CSMD1: variants seen among roughly 807,000 people sequenced by gnomAD.
CSMD1 encodes CUB and sushi domain-containing protein 1.
A neutral mutation model predicts 417.5 loss-of-function variants in CSMD1; 213 were observed. The observed-to-expected ratio is 0.51, with a 90% CI of 0.46 to 0.57. The LOEUF (loss-of-function observed/expected upper bound fraction) is 0.57, where lower values mean the gene tolerates loss of function less well. Ranked by LOEUF, CSMD1 falls within the 20% of genes least tolerant of loss-of-function variation. CSMD1 has a pLI of 0.00. For missense variants in CSMD1, 6,923 were observed against 4,529.7 expected, an observed-to-expected ratio of 1.53 and a Z score of -15.17; for synonymous variants, 2,862 against 1,736.8, an observed-to-expected ratio of 1.65 and a Z score of -16.11.
intron 3 of CSMD1, among the ~76,000 whole-genome samples, chr8:4,098,961 A>G (rs1274218561): frequency 6.6e-6 from 1 of 152,206 alleles, no homozygotes; most frequent in Non-Finnish European, 1.5e-5. Flanking sequence ...CTGTTTTACA[A>G]TTTTCAAAGA....
chr8:3,641,634 C>G (rs1284460760), intron 7 of CSMD1, among the ~76,000 whole-genome samples: 1 of 152,082 alleles, frequency 6.6e-6, no homozygotes, highest in East Asian at 1.9e-4. Context: ...GAGAGAATAC[C>G]AGCATTTATA....
At chr8:4,507,223 G>A (rs1563241547) in intron 2 of CSMD1, among the ~76,000 whole-genome samples, 1 of 152,136 alleles carries the variant, frequency 6.6e-6, no homozygotes, top group Non-Finnish European at 1.5e-5. Flanking sequence ...AACCTAGATA[G>A]TAGATACCCA....
chr8:3,134,648 T>C (rs147486959), intron 41 of CSMD1, among the ~76,000 whole-genome samples: 28 of 152,354 alleles, frequency 1.8e-4, no homozygotes, highest in African/African-American at 6.5e-4. Context: ...CCCCTGTTAG[T>C]GCACTGACTA....
intron 5 of CSMD1, among the ~76,000 whole-genome samples, chr8:3,921,253 T>G (rs1244515094): frequency 6.6e-6 from 1 of 152,134 alleles, no homozygotes; most frequent in African/African-American, 2.4e-5. Flanking sequence ...CTGTAATACC[T>G]GTTGTAGTAT....
intron 11 of CSMD1, among the ~76,000 whole-genome samples, chr8:3,476,409 A>G (rs1291862069): frequency 6.6e-6 from 1 of 152,226 alleles, no homozygotes; most frequent in African/African-American, 2.4e-5. Context: ...TAGAGTTACT[A>G]TAAACATTCA....
intron 3 of CSMD1, among the ~76,000 whole-genome samples, chr8:4,274,277 A>C (rs1378945695): frequency 6.6e-6 from 1 of 152,152 alleles, no homozygotes; most frequent in Non-Finnish European, 1.5e-5. Flanking sequence ...AGCTGCTACT[A>C]TCAGGCTTAT....
rs190738356 is a variant in CSMD1 at position 3,766,894 on chromosome 8, G to A, written c.819-12852C>T. ...TTCTTATATCACTTGATAGACTGAC[G>A]CAGACCTTGTTCAGTCAGCTGGTAA... On this transcript the variant is annotated intron_variant, in intron 5 of 69. Transcript: ENST00000635120. Among the ~76,000 whole-genome samples the A allele has an allele frequency of 2.8e-3, 428 of 152,156 alleles. 2 individuals are homozygous for A. The highest frequency in any genetic ancestry group is 6.8e-3 in the Middle Eastern group (2 of 294).
intron 49 of CSMD1, among the ~76,000 whole-genome samples, chr8:3,054,702 T>G (rs1057361065): frequency 2.0e-5 from 3 of 152,208 alleles, no homozygotes; most frequent in Non-Finnish European, 4.4e-5. Flanking sequence ...CGCACGTGTG[T>G]ACGTGTGTGT....
chr8:4,291,260 A>T (rs1366477635), intron 3 of CSMD1, among the ~76,000 whole-genome samples: 1 of 152,146 alleles, frequency 6.6e-6, no homozygotes, highest in Non-Finnish European at 1.5e-5. Context: ...GTAATAAAGA[A>T]AATATTCAAA....
chr8:3,480,262 T>C (rs1337943005), intron 11 of CSMD1, among the ~76,000 whole-genome samples: 4 of 152,164 alleles, frequency 2.6e-5, no homozygotes, highest in African/African-American at 9.7e-5. Flanking sequence ...CTCAGGAGGT[T>C]GAGGCAGAAG....
At chr8:4,413,650 A>G (rs568520258) in intron 3 of CSMD1, among the ~76,000 whole-genome samples, 3 of 152,274 alleles carry the variant, frequency 2.0e-5, no homozygotes, top group East Asian at 3.9e-4. Context: ...TTGACTATAC[A>G]CGCAATGGTG....
intron 3 of CSMD1, among the ~76,000 whole-genome samples, chr8:4,153,403 C>G (rs1038282634): frequency 2.0e-5 from 3 of 152,318 alleles, no homozygotes; most frequent in African/African-American, 7.2e-5. Context: ...TCTAGGTTCC[C>G]TAGCCTCATT....
intron 5 of CSMD1, among the ~76,000 whole-genome samples, chr8:3,988,552 C>A (rs1447091742): frequency 6.6e-6 from 1 of 152,190 alleles, no homozygotes; most frequent in Non-Finnish European, 1.5e-5. Context: ...CACTCCAGAA[C>A]TGCTAGATCA....
At chr8:4,153,475 G>A (rs1382918707) in intron 3 of CSMD1, among the ~76,000 whole-genome samples, 1 of 152,194 alleles carries the variant, frequency 6.6e-6, no homozygotes, top group Admixed American at 6.5e-5. Context: ...CTGCAGCTCT[G>A]CTTCCCAGTC....
Position 3,284,314 on chromosome 8 carries a change from G to C in CSMD1, c.3983C>G (p.Ala1328Gly), listed in dbSNP as rs1802975658. Residue 1328 changes from alanine (A) to glycine (G), a missense_variant, in exon 26 of 70, where the codon GCT (alanine) becomes GGT (glycine). Transcript: ENST00000635120. Reference protein sequence around the residue: ...LHFIVFDTEMAHDILKVWDGP... With the variant: ...LHFIVFDTEMGHDILKVWDGP... ...GTCCCAGACCTTGAGGATGTCGTGA[G>C]CCATCTCCGTGTCGAAAACAATGAA... is the stretch of plus-strand genomic sequence containing the variant. 2.5e-6 allele frequency: 4 copies of C among 1,613,900 alleles called. No homozygotes were observed. Among genetic ancestry groups the C allele is most frequent in the African/African-American group, 2.7e-5 (2 of 75,056 alleles).
intron 50 of CSMD1, among the ~76,000 whole-genome samples, chr8:3,045,929 G>T (rs566104628): frequency 6.6e-6 from 1 of 152,102 alleles, no homozygotes; most frequent in African/African-American, 2.4e-5. Flanking sequence ...ACAGTAGGGG[G>T]TATAGGGTTA....
rs76089252 is a variant in CSMD1 at position 4,698,957 on chromosome 8, A to T, written c.86-61399T>A. 1.4e-4 allele frequency among the ~76,000 whole-genome samples: 21 copies of T among 151,712 alleles called. No homozygotes were observed. The East Asian group carries it at 4.1e-3, about 30-fold the overall frequency. ...ACACACACACCAATTTCACCGTCGA[A>T]CGAACACGTCAGGATTATCACTGCC... On this transcript the variant is annotated intron_variant, in intron 1 of 69. Transcript: ENST00000635120.
chr8:4,251,019 T>C (rs1430100256), intron 3 of CSMD1, among the ~76,000 whole-genome samples: 7 of 152,198 alleles, frequency 4.6e-5, no homozygotes, highest in South Asian at 2.1e-4. Context: ...ATGACAAGCA[T>C]ATTTTTAGAT....
intron 12 of CSMD1, among the ~76,000 whole-genome samples, chr8:3,411,682 G>A (rs888710268): frequency 7.1e-5 from 4 of 56,146 alleles, no homozygotes; most frequent in Admixed American, 1.8e-4. Context: ...GTATATATAC[G>A]TGTATATATA....
Sources: gnomAD v4.1 joint callset for allele counts (sites outside exome capture counted in the v4.1 genomes callset) on GRCh38, gnomAD v4.1.1 for gene constraint, MANE v1.5 for transcripts, NCBI Gene and HGNC (gene_info 2026-07-23, HGNC 2026-07-21) for gene names.